SAMD3: variants seen among roughly 807,000 people sequenced by gnomAD.
The protein encoded by SAMD3 is sterile alpha motif domain containing 3.
Under a neutral mutation model 58.5 loss-of-function variants are expected in SAMD3, and 63 were observed. The ratio of observed to expected loss-of-function variants is 1.08; its 90% CI spans 0.88 to 1.33. The LOEUF (loss-of-function observed/expected upper bound fraction) is 1.33. SAMD3 is among the 40% of genes most tolerant of loss of function. The pLI is 0.00. For synonymous variants in SAMD3, 220 were observed against 210.3 expected (o/e 1.05, Z -0.40); for missense variants, 604 against 608.4 (o/e 0.99, Z 0.08).
In SAMD3 at chr6:130,351,757, T is replaced by A. The variant is rs534455764; in HGVS notation, c.-304+13363A>T. 4.9e-4 allele frequency among the ~76,000 whole-genome samples: 74 copies of A among 152,292 alleles called. 1 individual carries two copies. The highest frequency in any genetic ancestry group is 1.5e-3 in the African/African-American group (64 of 41,552). ...TAAAACATGCTGCTCTAAAGACACATGCACACATATGTTTATTGCGGCACT... is the reference window on the plus strand; with the variant it reads ...TAAAACATGCTGCTCTAAAGACACAAGCACACATATGTTTATTGCGGCACT... On this transcript the variant is annotated intron_variant, in intron 1 of 13. Coordinates refer to the SAMD3 transcript ENST00000368134.
At chr6:130,191,225 G>A (rs966199503) in intron 5 of SAMD3, among the ~76,000 whole-genome samples, 1 of 152,074 alleles carries the variant, frequency 6.6e-6, no homozygotes, top group South Asian at 2.1e-4. Context: ...TGCAGTGAGA[G>A]TTTACTATGT....
intron 1 of SAMD3, among the ~76,000 whole-genome samples, chr6:130,360,114 A>T (rs1171121174): frequency 6.6e-6 from 1 of 152,256 alleles, no homozygotes; most frequent in Non-Finnish European, 1.5e-5. Context: ...AGTTCATTGC[A>T]GCTTATTTCC....
At chr6:130,215,093 A>T (rs1224669570) in intron 3 of SAMD3, 102 bp downstream of exon 3, 7 of 630,240 alleles carry the variant, frequency 1.1e-5, no homozygotes. Context: ...CCACATTGAC[A>T]TGCACACAGA....
At chr6:130,215,131 A>T in intron 3 of SAMD3, 64 bp downstream of exon 3, 1 of 840,378 alleles carries the variant, frequency 1.2e-6, no homozygotes, top group Middle Eastern at 2.3e-4. Flanking sequence ...AATTTTCAGT[A>T]ACAGAGGACA....
intron 1 of SAMD3, among the ~76,000 whole-genome samples, chr6:130,354,407 G>A (rs571242155): frequency 2.0e-4 from 31 of 152,228 alleles, no homozygotes; most frequent in Middle Eastern, 6.8e-3. Flanking sequence ...CACAATAGCA[G>A]ACATGGAATC....
upstream of SAMD3, among the ~76,000 whole-genome samples, chr6:130,224,419 G>C (rs1334475322): frequency 6.6e-6 from 1 of 151,234 alleles, no homozygotes; most frequent in Admixed American, 6.6e-5. Flanking sequence ...GCACTTCCCT[G>C]CCCGCCTCCC....
At chr6:130,148,248 T>C (rs1168263204) in intron 9 of SAMD3, among the ~76,000 whole-genome samples, 2 of 152,224 alleles carry the variant, frequency 1.3e-5, no homozygotes, top group Non-Finnish European at 2.9e-5. Flanking sequence ...CTTCCACATA[T>C]ATTTACTTAC....
At chr6:130,157,400 G>A (rs150728177) in intron 8 of SAMD3, among the ~76,000 whole-genome samples, 2,041 of 151,624 alleles carry the variant, frequency 0.013, 44 homozygotes, top group African/African-American at 0.047. Context: ...GTGCAGTGGC[G>A]TGATCACAGC....
chr6:130,309,107 A>G (rs1480795249), intron 2 of SAMD3, among the ~76,000 whole-genome samples: 1 of 152,212 alleles, frequency 6.6e-6, no homozygotes, highest in Non-Finnish European at 1.5e-5. Flanking sequence ...GCCTTCTCCA[A>G]GTTCATTAGA....
At chr6:130,323,251 A>G (rs1171583810) in intron 1 of SAMD3, among the ~76,000 whole-genome samples, 3 of 152,076 alleles carry the variant, frequency 2.0e-5, no homozygotes, top group Non-Finnish European at 2.9e-5. Flanking sequence ...TGAAGCCTCT[A>G]TGTTGGGGTT....
chr6:130,215,506 T>C, intron 2 of SAMD3: 1 of 1,332,598 alleles, frequency 7.5e-7, no homozygotes, highest in East Asian at 2.8e-5. Context: ...ACCTATTTCC[T>C]AGCATCCCAT....
intron 9 of SAMD3, among the ~76,000 whole-genome samples, chr6:130,151,523 C>A (rs1789186381): frequency 6.6e-6 from 1 of 152,084 alleles, no homozygotes; most frequent in Non-Finnish European, 1.5e-5. Context: ...CTCACCGCAC[C>A]CTCCGTCTCC....
intron 2 of SAMD3, among the ~76,000 whole-genome samples, chr6:130,237,605 C>T (rs1174655917): frequency 6.6e-6 from 1 of 152,008 alleles, no homozygotes. Context: ...TTGCTGGATA[C>T]TTCAAATACA....
intron 2 of SAMD3, among the ~76,000 whole-genome samples, chr6:130,298,390 C>T (rs1775639233): frequency 6.6e-6 from 1 of 152,060 alleles, no homozygotes; most frequent in African/African-American, 2.4e-5. Context: ...GAGATCTGCA[C>T]ATGGAAACAA....
intron 2 of SAMD3, among the ~76,000 whole-genome samples, chr6:130,240,001 G>A (rs117166513): frequency 0.025 from 3,858 of 152,182 alleles, 68 homozygotes; most frequent in Non-Finnish European, 0.04. Flanking sequence ...TAGCTAACAA[G>A]CCAAATCCAT....
At chr6:130,193,445 C>T (rs12216018) in intron 5 of SAMD3, among the ~76,000 whole-genome samples, 23,962 of 151,696 alleles carry the variant, frequency 0.16, 2,598 homozygotes, top group East Asian at 0.39. Context: ...CTTATTTCCA[C>T]GCCCCGACCT....
chr6:130,326,858 C>T (rs1166005361), intron 1 of SAMD3, among the ~76,000 whole-genome samples: 4 of 152,190 alleles, frequency 2.6e-5, no homozygotes, highest in Non-Finnish European at 4.4e-5. Context: ...AGTCATCCAA[C>T]CACAGGCACT....
At chr6:130,237,052 T>A (rs2114887820) in intron 2 of SAMD3, among the ~76,000 whole-genome samples, 1 of 152,252 alleles carries the variant, frequency 6.6e-6, no homozygotes, top group African/African-American at 2.4e-5. Flanking sequence ...TTTCTAACTT[T>A]ATTATAGGTT....
At chr6:130,246,098 A>C (rs929657176) in intron 2 of SAMD3, among the ~76,000 whole-genome samples, 4 of 152,196 alleles carry the variant, frequency 2.6e-5, no homozygotes, top group Admixed American at 6.5e-5. Context: ...TAAATAGAGA[A>C]AGTTTATTTA....
Sources: gnomAD v4.1 joint callset for allele counts (sites outside exome capture counted in the v4.1 genomes callset) on GRCh38, gnomAD v4.1.1 for gene constraint, MANE v1.5 for transcripts, NCBI Gene and HGNC (gene_info 2026-07-23, HGNC 2026-07-21) for gene names.